GRIK4: variants seen among roughly 807,000 people sequenced by gnomAD.
The protein encoded by GRIK4 is glutamate receptor ionotropic, kainate 4.
In GRIK4, 40 loss-of-function variants were observed where a neutral mutation model predicts 104.9. The ratio of observed to expected loss-of-function variants is 0.38; its 90% confidence interval spans 0.30 to 0.50. GRIK4 has a LOEUF of 0.50. Among genes scored for constraint, GRIK4 ranks in the 20% least tolerant of loss-of-function variants. GRIK4 has a pLI of 0.93. For missense variants in GRIK4, 1,047 were observed against 1,308.1 expected, an observed-to-expected ratio of 0.80 and a Z score of 3.08; for synonymous variants, 485 against 524.9, an observed-to-expected ratio of 0.92 and a Z score of 1.04.
At chr11:120,907,308 G>A (rs1942890089) in intron 13 of GRIK4, among the ~76,000 whole-genome samples, 3 of 152,184 alleles carry the variant, frequency 2.0e-5, no homozygotes, top group Middle Eastern at 3.4e-3. Flanking sequence ...CAGAGACGGC[G>A]GTGTCAGTGC....
At chr11:120,976,498 C>A (rs1944562841) in intron 19 of GRIK4, among the ~76,000 whole-genome samples, 1 of 152,108 alleles carries the variant, frequency 6.6e-6, no homozygotes, top group South Asian at 2.1e-4. Flanking sequence ...ATAATAAGTC[C>A]CTGGAGATCG....
At chr11:120,866,282 A>T (rs1954407174) in intron 9 of GRIK4, among the ~76,000 whole-genome samples, 1 of 152,142 alleles carries the variant, frequency 6.6e-6, no homozygotes, top group Admixed American at 6.5e-5. Flanking sequence ...TGTTACTCTC[A>T]TGGAAGCGGA....
chr11:120,963,082 G>A (rs1944319776), intron 18 of GRIK4: 2 of 159,124 alleles, frequency 1.3e-5, no homozygotes, highest in Non-Finnish European at 2.7e-5. Flanking sequence ...AGGATGAGAT[G>A]GTAAAATTTG....
At chr11:120,846,425 G>GTAGT (rs2135591328) in intron 8 of GRIK4, among the ~76,000 whole-genome samples, 1 of 152,314 alleles carries the variant, frequency 6.6e-6, no homozygotes, top group South Asian at 2.1e-4. Context: ...GAGAGAGCAT[G>GTAGT]TAGTTCTTCT....
chr11:120,918,201 A>G (rs1309729195), intron 13 of GRIK4, among the ~76,000 whole-genome samples: 1 of 152,050 alleles, frequency 6.6e-6, no homozygotes, highest in African/African-American at 2.4e-5. Flanking sequence ...TCCCACCCAG[A>G]CTGAGAAATC....
At chr11:120,896,884 T>G (rs1942597607) in intron 11 of GRIK4, among the ~76,000 whole-genome samples, 1 of 152,168 alleles carries the variant, frequency 6.6e-6, no homozygotes, top group Admixed American at 6.5e-5. Flanking sequence ...TTTCATTGCG[T>G]TTTTAGCCAG....
chr11:120,757,041 G>C (rs1951665975), intron 3 of GRIK4, among the ~76,000 whole-genome samples: 1 of 152,234 alleles, frequency 6.6e-6, no homozygotes, highest in Non-Finnish European at 1.5e-5. Context: ...TGGCCCGTGA[G>C]TGTCTTTTCT....
At chr11:120,766,295 C>T (rs1188859806) in intron 3 of GRIK4, among the ~76,000 whole-genome samples, 2 of 152,192 alleles carry the variant, frequency 1.3e-5, no homozygotes, top group African/African-American at 2.4e-5. Context: ...TGGCAAACGC[C>T]CCTCCCCCCA....
chr11:120,773,826 C>T (rs991057648), intron 3 of GRIK4, among the ~76,000 whole-genome samples: 1 of 152,186 alleles, frequency 6.6e-6, no homozygotes, highest in Non-Finnish European at 1.5e-5. Context: ...CTTATACCCT[C>T]TGCTGGTCCA....
At position 120,952,883 on chromosome 11, in the gene GRIK4, T is replaced by C. The variant is rs1294394283; in HGVS notation, c.1619T>C (p.Leu540Pro). ...MGRKPGYFSF[L>P]DPFSPGVWLF... ...CGCAAACCCGGCTATTTCTCCTTCC[T>C]GGACCCATTTTCTCCGGGCGTCTGG... is the stretch of plus-strand genomic sequence containing the variant. Residue 540 changes from leucine (L) to proline (P), a missense_variant, in exon 15 of 21, where the codon CTG (leucine) becomes CCG (proline). Physicochemically the swap from Leu to Pro is moderately conservative, Grantham distance 98 (BLOSUM62 -3). Coordinates refer to ENST00000527524, the MANE Select transcript of GRIK4 (RefSeq NM_014619.5). This position sits in a 1 kb window ranked among gnomAD's most constrained non-coding sequence, Gnocchi z 5.2. 1.9e-6 allele frequency: 3 copies of C among 1,613,864 alleles called. No individual in the cohort carries two copies. The highest frequency in any genetic ancestry group is 2.2e-5 in the East Asian group (1 of 44,886).
At chr11:120,912,253 G>A (rs1018159344) in intron 13 of GRIK4, among the ~76,000 whole-genome samples, 1 of 152,144 alleles carries the variant, frequency 6.6e-6, no homozygotes, top group African/African-American at 2.4e-5. Flanking sequence ...GATGCATTTA[G>A]CTTTGGAAAT....
intron 1 of GRIK4, among the ~76,000 whole-genome samples, chr11:120,579,770 A>C (rs1948543650): frequency 6.6e-6 from 1 of 152,116 alleles, no homozygotes; most frequent in South Asian, 2.1e-4. Flanking sequence ...TGTTTTACAC[A>C]CAGTAAAATT....
chr11:120,593,364 G>A lies in GRIK4; in HGVS notation c.-158-60321G>A, dbSNP rs143441267. ...CCACCAATCCACTCAACAGCTTGGG[G>A]AGGTCGCTAGTAGCTTCCATGTTGC... On this transcript the variant is annotated intron_variant, in intron 1 of 20. Coordinates refer to ENST00000527524, the MANE Select transcript of GRIK4 (RefSeq NM_014619.5). Among the ~76,000 whole-genome samples the A allele has an allele frequency of 3.3e-5, 5 of 152,216 alleles. 1 individual carries two copies. Among genetic ancestry groups the A allele is most frequent in the African/African-American group, 1.2e-4 (5 of 41,544 alleles).
chr11:120,791,151 G>T (rs1037341080), intron 3 of GRIK4, among the ~76,000 whole-genome samples: 2 of 152,236 alleles, frequency 1.3e-5, no homozygotes, highest in African/African-American at 4.8e-5. Flanking sequence ...TAAATCCAGG[G>T]TGTAAAATTG....
intron 1 of GRIK4, among the ~76,000 whole-genome samples, chr11:120,588,317 A>G (rs1948693774): frequency 3.9e-5 from 6 of 152,124 alleles, no homozygotes; most frequent in Admixed American, 3.9e-4. Flanking sequence ...GGAAGAGGTG[A>G]TCATCCTGCC....
chr11:120,804,214 G>A lies in GRIK4; in HGVS notation c.247+1357G>A, dbSNP rs190497408. On this transcript the variant is annotated intron_variant, in intron 4 of 20. Coordinates refer to ENST00000527524, the MANE Select transcript of GRIK4 (RefSeq NM_014619.5). ...TCCCCGTCTCCTCCCTTTCTAACCC[G>A]TTTCAACCTTTGACCACACTCAGTG... Among the ~76,000 whole-genome samples, 7 of 152,240 alleles carry A rather than the reference G, an allele frequency of 4.6e-5. No individual in the cohort carries two copies. In the East Asian group the frequency reaches 1.4e-3, roughly 29 times the overall value.
intron 19 of GRIK4, among the ~76,000 whole-genome samples, chr11:120,975,194 G>C (rs1215707086): frequency 2.0e-5 from 3 of 152,226 alleles, no homozygotes; most frequent in South Asian, 2.1e-4. Context: ...GAAGTTTGCT[G>C]TCTGGCACGG....
At chr11:120,701,088 T>C (rs894857190) in intron 3 of GRIK4, among the ~76,000 whole-genome samples, 1 of 152,240 alleles carries the variant, frequency 6.6e-6, no homozygotes, top group Non-Finnish European at 1.5e-5. Context: ...TAAGTCACTC[T>C]GTGATGTTCA....
At chr11:120,539,552 T>G (rs1948011231) in intron 1 of GRIK4, among the ~76,000 whole-genome samples, 1 of 152,326 alleles carries the variant, frequency 6.6e-6, no homozygotes, top group South Asian at 2.1e-4. Context: ...CCATCGGCTG[T>G]GAAGGAAGCT....
Sources: gnomAD v4.1 joint callset for allele counts (sites outside exome capture counted in the v4.1 genomes callset) on GRCh38, gnomAD v4.1.1 for gene constraint, Gnocchi (gnomAD v3.1) non-coding constraint, MANE v1.5 for transcripts, NCBI Gene and HGNC (gene_info 2026-07-23, HGNC 2026-07-21) for gene names.